PIR: variants seen among roughly 807,000 people sequenced by gnomAD.
PIR encodes pirin.
In PIR, 22 loss-of-function variants were observed where a neutral mutation model predicts 24.2. The observed-to-expected ratio is 0.91, with a 90% confidence interval of 0.65 to 1.30. PIR has a LOEUF of 1.30. Ranked by LOEUF, PIR falls within the 50% of genes most tolerant of loss-of-function variation. PIR has a pLI of 0.00. For synonymous variants in PIR, 80 were observed against 79.6 expected, an observed-to-expected ratio of 1.00 and a Z score of -0.03; for missense variants, 220 against 220.3, an observed-to-expected ratio of 1.00 and a Z score of 0.01.
chrX:15,460,060 T>A (rs1463471593), intron 3 of PIR, among the ~76,000 whole-genome samples: 1 of 111,785 alleles, frequency 8.9e-6, no homozygotes, highest in Non-Finnish European at 1.9e-5. Flanking sequence ...CTCACATCTG[T>A]TAGGACAGCT....
chrX:15,475,509 A>T (rs1165163167), intron 3 of PIR, among the ~76,000 whole-genome samples: 1 of 111,337 alleles, frequency 9.0e-6, no homozygotes, highest in Non-Finnish European at 1.9e-5. Flanking sequence ...GTTCCTGGGG[A>T]CAGGAGCCTT....
At chrX:15,453,110 G>T (rs1920983879) in intron 5 of PIR, among the ~76,000 whole-genome samples, 1 of 111,411 alleles carries the variant, frequency 9.0e-6, no homozygotes, top group Non-Finnish European at 1.9e-5. Flanking sequence ...GCAAAACTAT[G>T]TTTCTTATGA....
intron 2 of PIR, among the ~76,000 whole-genome samples, chrX:15,488,278 CAAAAAAAAAA>C (rs1184870069): frequency 9.4e-5 from 3 of 31,918 alleles, no homozygotes; most frequent in East Asian, 1.1e-3. Context: ...AACTCCGTCT[CAAAAAAAAAA>C]AAAAAAAAAA....
chrX:15,470,597 TTTC>T (rs1311709421), intron 3 of PIR, among the ~76,000 whole-genome samples: 1 of 47,925 alleles, frequency 2.1e-5, no homozygotes, highest in African/African-American at 6.8e-5. Context: ...TCTTTCTTTC[TTTC>T]TTTTTTTTTT....
At chrX:15,442,479 C>T (rs1925949323) in intron 5 of PIR, among the ~76,000 whole-genome samples, 1 of 111,550 alleles carries the variant, frequency 9.0e-6, no homozygotes, top group Admixed American at 9.6e-5. Flanking sequence ...ATGTCTCTCA[C>T]TTTAAACAAA....
chrX:15,458,495 C>T lies in PIR; in HGVS notation c.273+1162G>A, dbSNP rs556211616. ...ATCTCTACAAAAAAATAAAATTAGC[C>T]AGGTGTGGTGTTGTGCACCTGTGGT... On this transcript the variant is annotated intron_variant, in intron 4 of 9. Coordinates refer to ENST00000380420, the MANE Select transcript of PIR (RefSeq NM_001018109.3). Among the ~76,000 whole-genome samples, 13 of 110,849 alleles carry T rather than the reference C, an allele frequency of 1.2e-4. No homozygotes were observed. In the South Asian group the frequency reaches 5.0e-3, roughly 42 times the overall value.
intron 2 of PIR, among the ~76,000 whole-genome samples, 198 bp downstream of exon 2, chrX:15,490,964 A>T (rs182326377): frequency 8.9e-6 from 1 of 112,172 alleles, no homozygotes; most frequent in East Asian, 2.8e-4. Flanking sequence ...TTTCTGCCCA[A>T]GACCTCTGTA....
chrX:15,427,731 G>A lies in PIR; in HGVS notation c.481-1741C>T, dbSNP rs200156378. On this transcript the variant is annotated intron_variant, in intron 5 of 9. Transcript: ENST00000380420. ...ACACACACACACACATATATATACCGTCAATAACTGTATTACTATTCCATA... is the reference window on the plus strand; with the variant it reads ...ACACACACACACACATATATATACCATCAATAACTGTATTACTATTCCATA... Among the ~76,000 whole-genome samples the A allele has an allele frequency of 2.8e-5, 3 of 108,200 alleles. No homozygotes were observed. The East Asian group carries it at 8.8e-4, about 32-fold the overall frequency. 94.0% of individuals were successfully genotyped at this position (108,200 alleles called of 115,157 possible).
intron 8 of PIR, among the ~76,000 whole-genome samples, chrX:15,394,063 A>G (rs753398736): frequency 6.3e-5 from 7 of 110,835 alleles, no homozygotes; most frequent in Non-Finnish European, 1.1e-4. Context: ...GATGCCAAAA[A>G]GGTTGGGGAC....
At chrX:15,467,377 G>A (rs1921655374) in intron 3 of PIR, among the ~76,000 whole-genome samples, 1 of 112,624 alleles carries the variant, frequency 8.9e-6, no homozygotes, top group Non-Finnish European at 1.9e-5. Flanking sequence ...GGAGCACAGG[G>A]CTTGTCTCAG....
chrX:15,467,981 C>A (rs957542863), intron 3 of PIR, among the ~76,000 whole-genome samples: 2 of 111,751 alleles, frequency 1.8e-5, no homozygotes, highest in Admixed American at 9.5e-5. Context: ...TAATCAGCAG[C>A]CCAACTTCTT....
chrX:15,459,366 C>T (rs5935982), intron 4 of PIR, among the ~76,000 whole-genome samples: 8,066 of 110,513 alleles, frequency 0.073, 568 homozygotes, highest in East Asian at 0.48. Flanking sequence ...AAGTACAAAA[C>T]GAATGAAAGA....
chrX:15,432,792 C>T (rs919317413), intron 5 of PIR, among the ~76,000 whole-genome samples: 5 of 111,926 alleles, frequency 4.5e-5, no homozygotes, highest in African/African-American at 1.6e-4. Flanking sequence ...GGAGAGGAGA[C>T]TCCTGAAGAG....
At chrX:15,466,006 G>GT (rs200803758) in intron 3 of PIR, among the ~76,000 whole-genome samples, 2,421 of 62,990 alleles carry the variant, frequency 0.038, 144 homozygotes, top group African/African-American at 0.054. Context: ...AATGGTGGCT[G>GT]TTTTTTTTTT....
chrX:15,454,981 T>C (rs1346664253), intron 5 of PIR, among the ~76,000 whole-genome samples: 6 of 112,493 alleles, frequency 5.3e-5, no homozygotes, highest in Non-Finnish European at 1.1e-4. Context: ...CCACCCTCTT[T>C]AGGACTCTGC....
intron 6 of PIR, among the ~76,000 whole-genome samples, chrX:15,412,732 T>A (rs1240483948): frequency 8.9e-6 from 1 of 111,780 alleles, no homozygotes; most frequent in East Asian, 2.8e-4. Context: ...TTTAATTCTA[T>A]CCATGCAACT....
intron 8 of PIR, among the ~76,000 whole-genome samples, chrX:15,395,298 C>A (rs984341746): frequency 4.5e-5 from 5 of 111,763 alleles, no homozygotes; most frequent in Non-Finnish European, 7.5e-5. Flanking sequence ...TATTTGGATT[C>A]ATAAACTTTC....
chrX:15,487,014 G>A (rs1922871140), intron 2 of PIR, among the ~76,000 whole-genome samples: 2 of 112,007 alleles, frequency 1.8e-5, no homozygotes, highest in South Asian at 3.7e-4. Flanking sequence ...GGGAGCAGCT[G>A]AAGGAACAGG....
intron 5 of PIR, among the ~76,000 whole-genome samples, chrX:15,428,616 T>C (rs1259958211): frequency 8.9e-6 from 1 of 112,064 alleles, no homozygotes; most frequent in East Asian, 2.8e-4. Flanking sequence ...GCTGTATTGC[T>C]TTTTCTTTTC....
Sources: allele counts gnomAD v4.1 joint callset (sites outside exome capture counted in the v4.1 genomes callset), GRCh38; gene constraint gnomAD v4.1.1; transcripts MANE v1.5; gene names NCBI Gene and HGNC (gene_info 2026-07-23, HGNC 2026-07-21).